Variants in DNAH8 observed in about 807,000 individuals in gnomAD.
DNAH8 encodes axonemal beta dynein heavy chain 8.
Under a neutral mutation model 562.1 loss-of-function variants are expected in DNAH8, and 382 were observed. The ratio of observed to expected loss-of-function variants is 0.68; its 90% CI spans 0.63 to 0.74. The LOEUF is 0.74. DNAH8 is among the 30% of genes least tolerant of loss of function. DNAH8 has a pLI of 0.00. For missense variants in DNAH8, 5,203 were observed against 5,620.4 expected, an observed-to-expected ratio of 0.93 and a Z score of 2.37; for synonymous variants, 1,881 against 1,919.4, an observed-to-expected ratio of 0.98 and a Z score of 0.52.
chr6:38,874,940 C>G (rs763341188), intron 52 of DNAH8, among the ~76,000 whole-genome samples: 14 of 152,014 alleles, frequency 9.2e-5, no homozygotes, highest in Non-Finnish European at 1.8e-4. Context: ...TTTGAAAGAC[C>G]GAGGATGTCC....
chr6:38,778,282 G>C, intron 13 of DNAH8, 106 bp from the exon 14 acceptor site: 1 of 603,230 alleles, frequency 1.7e-6, no homozygotes. Flanking sequence ...AGATGTGTTT[G>C]AGGCTTGAGG....
chr6:39,008,596 T>G (rs1431294528), intron 88 of DNAH8, among the ~76,000 whole-genome samples: 1 of 150,160 alleles, frequency 6.7e-6, no homozygotes, highest in East Asian at 1.9e-4. Flanking sequence ...TGGAGAGTGT[T>G]TCATTTCAGT....
At chr6:38,986,092 T>C (rs1483677447) in intron 87 of DNAH8, among the ~76,000 whole-genome samples, 1 of 152,236 alleles carries the variant, frequency 6.6e-6, no homozygotes, top group African/African-American at 2.4e-5. Flanking sequence ...GTGATACGAC[T>C]ACCTTCTGAA....
chr6:38,891,852 C>A (rs539684140), intron 58 of DNAH8, among the ~76,000 whole-genome samples: 36 of 152,308 alleles, frequency 2.4e-4, no homozygotes, highest in Non-Finnish European at 3.8e-4. Flanking sequence ...GGCTCCATTT[C>A]CTCAGTGTCT....
intron 26 of DNAH8, among the ~76,000 whole-genome samples, chr6:38,821,053 A>G (rs1477843854): frequency 6.6e-6 from 1 of 152,202 alleles, no homozygotes; most frequent in Non-Finnish European, 1.5e-5. Flanking sequence ...AACCATCTTT[A>G]TTAGCAGATG....
rs188994183 is a variant in DNAH8 at position 39,004,329 on chromosome 6, C to T, written c.13215-4485C>T. On this transcript the variant is annotated intron_variant, in intron 88 of 92. Transcript: ENST00000327475. ...GTATTTTAATTTTATCTTTTATAATCCCACAATTAGACATACAATGATTGT... is the reference window on the plus strand; with the variant it reads ...GTATTTTAATTTTATCTTTTATAATTCCACAATTAGACATACAATGATTGT... Among the ~76,000 whole-genome samples the T allele has an allele frequency of 7.7e-4, 117 of 152,284 alleles. 1 individual carries two copies. Among genetic ancestry groups the T allele is most frequent in the African/African-American group, 2.7e-3 (112 of 41,562 alleles).
In DNAH8 at chr6:38,938,014, A is replaced by T; in HGVS notation, c.11604A>T (p.Arg3868=). 2 of 1,613,870 alleles carry T rather than the reference A, an allele frequency of 1.2e-6. No homozygotes were observed. The highest frequency in any genetic ancestry group is 1.7e-6 in the Non-Finnish European group (2 of 1,179,976). Reference sequence around the variant, plus strand: ...ACGAATCTCTCATTGGTGTACTTCGAACTACCAAGCAGACAGCAGCTGAGG... The same window carrying T: ...ACGAATCTCTCATTGGTGTACTTCGTACTACCAAGCAGACAGCAGCTGAGG... ...VDDESLIGVL[R]TTKQTAAEVS... Residue 3868 remains arginine (R), a synonymous_variant, in exon 78 of 93, where the codon CGA becomes CGT. Coordinates refer to ENST00000327475, the MANE Select transcript of DNAH8 (RefSeq NM_001206927.2).
At chr6:38,895,979 G>T in intron 59 of DNAH8, 54 bp from the exon 60 acceptor site, 4 of 1,487,798 alleles carry the variant, frequency 2.7e-6, no homozygotes, top group Non-Finnish European at 3.7e-6. Context: ...GACATGTTCA[G>T]TTAGAAAAGA....
intron 24 of DNAH8, among the ~76,000 whole-genome samples, chr6:38,809,888 A>G (rs934135733): frequency 6.6e-6 from 1 of 152,048 alleles, no homozygotes; most frequent in Non-Finnish European, 1.5e-5. Flanking sequence ...TTTTATTTTT[A>G]TTTGGCAAAT....
chr6:38,760,189 G>A (rs1426324170), intron 10 of DNAH8, among the ~76,000 whole-genome samples: 1 of 152,136 alleles, frequency 6.6e-6, no homozygotes, highest in South Asian at 2.1e-4. Context: ...AGAGGTTTCA[G>A]GGTGGTGAAC....
intron 44 of DNAH8, 37 bp downstream of exon 44, chr6:38,862,495 T>C (rs762283348): frequency 1.3e-6 from 2 of 1,564,670 alleles, no homozygotes; most frequent in Non-Finnish European, 1.7e-6. Flanking sequence ...TTAGGTGAAT[T>C]TATTTTTATT....
chr6:38,772,414 A>G (rs994802723), intron 12 of DNAH8, among the ~76,000 whole-genome samples: 2 of 152,186 alleles, frequency 1.3e-5, no homozygotes, highest in Non-Finnish European at 2.9e-5. Flanking sequence ...ATGAAGTGGT[A>G]TCTCATTGAA....
At chr6:38,892,725 G>A (rs78934169) in intron 58 of DNAH8, among the ~76,000 whole-genome samples, 6,973 of 152,196 alleles carry the variant, frequency 0.046, 190 homozygotes, top group Non-Finnish European at 0.059. Flanking sequence ...AAGTAAAGCA[G>A]AAATCTTTAC....
intron 12 of DNAH8, among the ~76,000 whole-genome samples, chr6:38,770,780 A>G (rs904799939): frequency 6.6e-6 from 1 of 152,138 alleles, no homozygotes; most frequent in African/African-American, 2.4e-5. Context: ...GTCAACTTTC[A>G]CATCTCTCAA....
At position 38,939,142 on chromosome 6, in the gene DNAH8, T is replaced by C. The variant is rs193135847; in HGVS notation, c.12007+154T>C. The stretch of plus-strand genomic sequence containing the variant: ...TATTTTTAATACCTTTTTTCTGTTT[T>C]TCATTCGTTTTGCCCTAGTTACTTA... On this transcript the variant is annotated intron_variant, in intron 79 of 92. Transcript: ENST00000327475. Among the ~76,000 whole-genome samples the C allele has an allele frequency of 7.4e-3, 1,128 of 152,364 alleles. 19 individuals are homozygous for C. The highest frequency in any genetic ancestry group is 0.026 in the African/African-American group (1,062 of 41,584).
At chr6:38,795,370 G>A (rs1001036969) in intron 21 of DNAH8, among the ~76,000 whole-genome samples, 1 of 152,144 alleles carries the variant, frequency 6.6e-6, no homozygotes, top group Non-Finnish European at 1.5e-5. Context: ...ACGAGGTCAG[G>A]AGATCGAGAC....
rs565341217 is a variant in DNAH8, at chr6:38,915,845, C to T, written c.10140+468C>T. 1.9e-3 allele frequency among the ~76,000 whole-genome samples: 191 copies of T among 101,324 alleles called. 1 individual carries two copies. The highest frequency in any genetic ancestry group is 5.3e-3 in the African/African-American group (181 of 34,148). 66.5% of individuals were successfully genotyped at this position (101,324 alleles called of 152,430 possible). ...AACCTCTATATATAATACACACACA[C>T]ACACACATACACACACACACACATA... On this transcript the variant is annotated intron_variant, in intron 68 of 92. Transcript: ENST00000327475.
rs1260652801 is a variant in DNAH8, at chr6:38,872,687, C to T, written c.7142C>T (p.Ala2381Val). 4.3e-6 allele frequency: 7 copies of T among 1,614,002 alleles called. No homozygotes were observed. The highest frequency in any genetic ancestry group is 5.9e-6 in the Non-Finnish European group (7 of 1,179,994). Residue 2381 changes from alanine to valine, a missense_variant, in exon 50 of 93, where the codon GCA becomes GTA. Transcript: ENST00000327475. Reference sequence around the variant, plus strand: ...CGAATGAATCCAAAAGCCATTACTGCACCTCAGATGTTTGGCAGACTGGAC... The same window carrying T: ...CGAATGAATCCAAAAGCCATTACTGTACCTCAGATGTTTGGCAGACTGGAC... ...EMRMNPKAITAPQMFGRLDTA... is the reference protein window; with the variant it reads ...EMRMNPKAITVPQMFGRLDTA...
At chr6:38,786,203 T>C (rs1464084184) in intron 17 of DNAH8, among the ~76,000 whole-genome samples, 1 of 152,234 alleles carries the variant, frequency 6.6e-6, no homozygotes, top group Non-Finnish European at 1.5e-5. Context: ...ATGAATGATG[T>C]TTATGTGAGA....
Sources: allele counts gnomAD v4.1 joint callset (sites outside exome capture counted in the v4.1 genomes callset), GRCh38; gene constraint gnomAD v4.1.1; transcripts MANE v1.5; gene names NCBI Gene and HGNC (gene_info 2026-07-23, HGNC 2026-07-21).